Variants in MGAM2 observed in about 807,000 individuals in gnomAD.
MGAM2 encodes the protein maltase-glucoamylase 2 (putative).
In MGAM2, 98 loss-of-function variants were observed where a neutral mutation model predicts 96.1. The observed-to-expected ratio is 1.02, with a 90% CI of 0.87 to 1.21. The LOEUF is 1.21. Among genes scored for constraint, MGAM2 ranks in the 50% most tolerant of loss-of-function variants. MGAM2 has a pLI of 0.00. For synonymous variants in MGAM2, 749 were observed against 414.8 expected, an observed-to-expected ratio of 1.81 and a Z score of -9.79; for missense variants, 2,055 against 1,182.4, an observed-to-expected ratio of 1.74 and a Z score of -10.82.
intron 37 of MGAM2, among the ~76,000 whole-genome samples, chr7:142,190,348 T>C (rs1796833093): frequency 6.8e-6 from 1 of 148,094 alleles, no homozygotes; most frequent in East Asian, 2.0e-4. Context: ...CTCGGCTCAC[T>C]GCAACCTCCT....
At position 142,220,953 on chromosome 7, in the gene MGAM2, A is replaced by G; in HGVS notation, c.6442A>G (p.Asn2148Asp). The change falls in exon 48 of 48, where the codon AAT becomes GAT. Residue 2148 changes from asparagine to aspartate, a missense_variant. Coordinates refer to ENST00000477922, the MANE Select transcript of MGAM2 (RefSeq NM_001293626.2). ...TAATATAAGTACTCCTGTTCAAACA[A>G]ATACTACTAATGCTAGCACTAGTAC... is the stretch of plus-strand genomic sequence containing the variant. Reference protein sequence around the residue: ...INNISTPVQTNTTNASTSTNV... With the variant: ...INNISTPVQTDTTNASTSTNV... 1.4e-6 allele frequency: 1 copy of G among 701,780 alleles called. No homozygotes were observed. The highest frequency in any genetic ancestry group is 1.5e-5 in the South Asian group (1 of 67,538). The allele number at this position is 701,780 out of a possible 1,614,324, so 43.5% of individuals were successfully genotyped here. A position where few individuals can be genotyped will look rare whatever the true frequency, so the allele number is the denominator to read the frequency against.
intron 2 of MGAM2, among the ~76,000 whole-genome samples, chr7:142,118,749 A>T (rs1484511665): frequency 6.6e-6 from 1 of 152,194 alleles, no homozygotes; most frequent in Admixed American, 6.5e-5. Flanking sequence ...AACAGTAAGA[A>T]AAAAGACTTT....
chr7:142,212,260 T>C (rs528204256), intron 46 of MGAM2, among the ~76,000 whole-genome samples: 4 of 152,270 alleles, frequency 2.6e-5, no homozygotes, highest in Non-Finnish European at 5.9e-5. Context: ...AACCAAAATG[T>C]AAAGACCATT....
chr7:142,195,727 C>T (rs563872702), intron 37 of MGAM2, among the ~76,000 whole-genome samples: 2 of 152,210 alleles, frequency 1.3e-5, no homozygotes, highest in East Asian at 3.9e-4. Flanking sequence ...TCACTATTTT[C>T]AGGCGAATGC....
chr7:142,208,071 C>A, intron 45 of MGAM2: 3 of 419,470 alleles, frequency 7.2e-6, no homozygotes, highest in South Asian at 1.7e-5. Context: ...TAACTAGGTA[C>A]TATTATCTCC....
rs191892640 is a variant in MGAM2, at chr7:142,185,245, C to T, written c.3987+106C>T. 4.6e-4 allele frequency: 276 copies of T among 605,080 alleles called. 3 individuals carry two copies. In the East Asian group the frequency reaches 7.8e-3, roughly 17 times the overall value. The allele number at this position is 605,080 out of a possible 1,614,324, so 37.5% of individuals were successfully genotyped here. A position where few individuals can be genotyped will look rare whatever the true frequency, so the allele number is the denominator to read the frequency against. ...TAACCCTTCAGTTAAGTAGCCCTAA[C>T]TTGAGGGTGCTTATCCACTGTTAGT... On this transcript the variant is annotated intron_variant, in intron 34 of 47. Transcript: ENST00000477922.
chr7:142,119,002 A>G (rs557923914), intron 2 of MGAM2, among the ~76,000 whole-genome samples: 1 of 152,278 alleles, frequency 6.6e-6, no homozygotes, highest in South Asian at 2.1e-4. Context: ...CTTCATCAAA[A>G]TTGAAAAAAA....
At chr7:142,125,295 A>G (rs1427255774) in intron 3 of MGAM2, among the ~76,000 whole-genome samples, 1 of 152,198 alleles carries the variant, frequency 6.6e-6, no homozygotes, top group Non-Finnish European at 1.5e-5. Context: ...CCCTGCATCA[A>G]ATGAAAGTTG....
chr7:142,199,860 C>A lies in MGAM2; in HGVS notation c.5049-20C>A. Reference sequence around the variant, plus strand: ...ACCTACAATCTAGAGAAAAATAACTCTTTTTTTTTTTTTTGGTAGTCGACA... The same window carrying A: ...ACCTACAATCTAGAGAAAAATAACTATTTTTTTTTTTTTTGGTAGTCGACA... On this transcript the variant is annotated intron_variant, in intron 44 of 47. Coordinates refer to ENST00000477922, the MANE Select transcript of MGAM2 (RefSeq NM_001293626.2). 1 of 589,566 alleles carries A rather than the reference C, an allele frequency of 1.7e-6. No homozygotes were observed. Among genetic ancestry groups the A allele is most frequent in the Non-Finnish European group, 3.0e-6 (1 of 332,488 alleles). 36.5% of individuals were successfully genotyped at this position (589,566 alleles called of 1,614,324 possible). A position where few individuals can be genotyped will look rare whatever the true frequency, so the allele number is the denominator to read the frequency against.
rs1276422277 is a variant in MGAM2, at chr7:142,157,935, A to G, written c.1924-2A>G. On this transcript the variant is annotated splice_acceptor_variant, in intron 17 of 47. Transcript: ENST00000477922. LOFTEE classifies it high-confidence loss of function. Reference sequence around the variant, plus strand: ...TCAGCCATTCCTTCCATTTTCTCCTAGGACCAGGATCCCGCTGCCTTTGGT... The same window carrying G: ...TCAGCCATTCCTTCCATTTTCTCCTGGGACCAGGATCCCGCTGCCTTTGGT... The G allele has an allele frequency of 8.5e-6, 6 of 702,626 alleles. No individual in the cohort carries two copies. In the Admixed American group the frequency reaches 1.2e-4, roughly 14 times the overall value. 43.5% of individuals were successfully genotyped at this position (702,626 alleles called of 1,614,324 possible).
chr7:142,124,453 C>T (rs559465725), intron 3 of MGAM2, among the ~76,000 whole-genome samples: 1 of 152,174 alleles, frequency 6.6e-6, no homozygotes, highest in African/African-American at 2.4e-5. Flanking sequence ...ACCATACAGC[C>T]TTAATAACTA....
chr7:142,152,734 G>A (rs1450877971), intron 15 of MGAM2, among the ~76,000 whole-genome samples: 1 of 152,152 alleles, frequency 6.6e-6, no homozygotes, highest in Non-Finnish European at 1.5e-5. Flanking sequence ...CTGTGGCGTG[G>A]CTCAGGTCTT....
In MGAM2 at chr7:142,131,848, T is replaced by C. The variant is rs1356192211; in HGVS notation, c.421-83T>C. ...TAGAAGCTATTCTCATGGGGTGTCA[T>C]TTGAGATGGAACATCTTTTGTAGCT... On this transcript the variant is annotated intron_variant, in intron 5 of 47. Transcript: ENST00000477922. 3 of 627,962 alleles carry C rather than the reference T, an allele frequency of 4.8e-6. No homozygotes were observed. The East Asian group carries it at 8.2e-5, about 17-fold the overall frequency. The allele number at this position is 627,962 out of a possible 1,614,324, so 38.9% of individuals were successfully genotyped here. A position where few individuals can be genotyped will look rare whatever the true frequency, so the allele number is the denominator to read the frequency against.
intron 3 of MGAM2, 132 bp downstream of exon 3, chr7:142,120,513 T>A (rs925608118): frequency 1.8e-6 from 1 of 553,232 alleles, no homozygotes; most frequent in South Asian, 2.5e-5. Flanking sequence ...TTCTTTCTTA[T>A]CTTATTGAAA....
rs1563296139 is a variant in MGAM2 at position 142,208,621 on chromosome 7, A to G, written c.5186A>G (p.Gln1729Arg). 4 of 702,718 alleles carry G rather than the reference A, an allele frequency of 5.7e-6. No individual in the cohort carries two copies. Among genetic ancestry groups the G allele is most frequent in the South Asian group, 1.5e-5 (1 of 67,508 alleles). The allele number at this position is 702,718 out of a possible 1,614,324, so 43.5% of individuals were successfully genotyped here. Residue 1729 changes from glutamine (Q) to arginine (R), a missense_variant and splice_region_variant, in exon 46 of 48, where the codon CAG becomes CGG. Gln to Arg is a conservative substitution (Grantham distance 43). Transcript: ENST00000477922. ...NYFLANFIAAQNILQIQTIHN... is the reference protein window; with the variant it reads ...NYFLANFIAARNILQIQTIHN... ...TTTTTGGCAAACTTTATAGCAGCTC[A>G]GGTAAGACTAATTTACTACATTTTA...
At chr7:142,145,632 T>A (rs1429377926) in intron 14 of MGAM2, among the ~76,000 whole-genome samples, 1 of 152,212 alleles carries the variant, frequency 6.6e-6, no homozygotes, top group African/African-American at 2.4e-5. Context: ...AATAATCGTT[T>A]ACTTTTTGCT....
Position 142,130,931 on chromosome 7 carries a change from C to T in MGAM2, c.187-17C>T, listed in dbSNP as rs192683031. 4,954 of 702,346 alleles carry T rather than the reference C, an allele frequency of 7.1e-3. 62 individuals are homozygous for T. Among genetic ancestry groups the T allele is most frequent in the Middle Eastern group, 0.046 (185 of 4,008 alleles). 43.5% of individuals were successfully genotyped at this position (702,346 alleles called of 1,614,324 possible). ...TCCCTCAGTTTATATACTGCTAACT[C>T]TGTGTCATTGTTACAGGATATCTGC... On this transcript the variant is annotated splice_polypyrimidine_tract_variant and intron_variant, in intron 3 of 47. Coordinates refer to ENST00000477922, the MANE Select transcript of MGAM2 (RefSeq NM_001293626.2).
At chr7:142,114,000 G>A (rs888612611) in intron 1 of MGAM2, among the ~76,000 whole-genome samples, 1 of 151,690 alleles carries the variant, frequency 6.6e-6, no homozygotes, top group Non-Finnish European at 1.5e-5. Context: ...GCATGATGGC[G>A]GGTGCCTGTA....
chr7:142,216,578 C>G (rs1332753038), intron 46 of MGAM2, among the ~76,000 whole-genome samples: 1 of 152,150 alleles, frequency 6.6e-6, no homozygotes, highest in Non-Finnish European at 1.5e-5. Context: ...TGATTTGTAA[C>G]ATTTGCTAAT....
Sources: gnomAD v4.1 joint callset for allele counts (sites outside exome capture counted in the v4.1 genomes callset) on GRCh38, gnomAD v4.1.1 for gene constraint, MANE v1.5 for transcripts, NCBI Gene and HGNC (gene_info 2026-07-23, HGNC 2026-07-21) for gene names.